Variants in PRKN observed in about 807,000 individuals in gnomAD.
PRKN encodes the protein parkin RBR E3 ubiquitin protein ligase.
A neutral mutation model predicts 59.5 loss-of-function variants in PRKN; 56 were observed. The ratio of observed to expected loss-of-function variants is 0.94; its 90% CI spans 0.76 to 1.18. PRKN has a LOEUF of 1.18. Ranked by LOEUF, PRKN falls within the 50% of genes most tolerant of loss-of-function variation. The pLI is 0.00. For missense variants in PRKN, 657 were observed against 596.4 expected (o/e 1.10, Z -1.06); for synonymous variants, 250 against 222.1 (o/e 1.13, Z -1.12).
In PRKN at chr6:162,158,339, ATCTT is replaced by A. The variant is rs531051903; in HGVS notation, c.534+42788_534+42791del. Among the ~76,000 whole-genome samples, 98 of 151,672 alleles carry A rather than the reference ATCTT, an allele frequency of 6.5e-4. 1 individual carries two copies. In the South Asian group the frequency reaches 9.4e-3, roughly 14 times the overall value. Reference sequence around the variant, plus strand: ...TGAATATTGAAAACATGCTGCCCAGATCTTTCTTTCTTCTTTGACAAAGGCTACT... The same window carrying A: ...TGAATATTGAAAACATGCTGCCCAGATCTTTCTTCTTTGACAAAGGCTACT... On this transcript the variant is annotated intron_variant, in intron 4 of 11. Coordinates refer to ENST00000366898, the MANE Select transcript of PRKN (RefSeq NM_004562.3).
At chr6:162,656,022 A>G (rs969651138) in intron 1 of PRKN, among the ~76,000 whole-genome samples, 20 of 152,170 alleles carry the variant, frequency 1.3e-4, no homozygotes, top group African/African-American at 4.6e-4. Flanking sequence ...AATTATATAA[A>G]TTATTCTTGA....
intron 2 of PRKN, among the ~76,000 whole-genome samples, chr6:162,379,467 C>G (rs1488428771): frequency 6.6e-6 from 1 of 152,030 alleles, no homozygotes; most frequent in Non-Finnish European, 1.5e-5. Context: ...CTTTCTCTAC[C>G]CCTCAAGACT....
chr6:162,376,710 G>A (rs1248681130), intron 2 of PRKN, among the ~76,000 whole-genome samples: 5 of 147,014 alleles, frequency 3.4e-5, no homozygotes, highest in African/African-American at 1.3e-4. Flanking sequence ...GGAGAGAGAG[G>A]GGGAAAGGGA....
chr6:161,685,558 T>C (rs986888603), intron 7 of PRKN, among the ~76,000 whole-genome samples: 3 of 152,182 alleles, frequency 2.0e-5, no homozygotes, highest in African/African-American at 4.8e-5. Context: ...TCTTTCTATA[T>C]AGTGCAAAAA....
chr6:161,940,085 G>A (rs181027463), intron 6 of PRKN, among the ~76,000 whole-genome samples: 3 of 152,014 alleles, frequency 2.0e-5, no homozygotes, highest in East Asian at 3.9e-4. Flanking sequence ...TAGTAGAGAC[G>A]GGGTTTCTCC....
chr6:161,769,091 T>C (rs1408676884), intron 7 of PRKN, among the ~76,000 whole-genome samples: 2 of 152,240 alleles, frequency 1.3e-5, no homozygotes, highest in African/African-American at 4.8e-5. Flanking sequence ...TGTTAATCCC[T>C]GATTCAAAGG....
intron 1 of PRKN, among the ~76,000 whole-genome samples, chr6:162,671,608 G>C (rs1779322459): frequency 2.0e-5 from 3 of 151,774 alleles, no homozygotes; most frequent in Non-Finnish European, 2.9e-5. Context: ...AAACATTTGT[G>C]CAGTAATCAA....
chr6:161,913,190 A>AG (rs1778431537), intron 6 of PRKN, among the ~76,000 whole-genome samples: 1 of 150,756 alleles, frequency 6.6e-6, no homozygotes, highest in Non-Finnish European at 1.5e-5. Context: ...AAAAAAAAAA[A>AG]GACATGGGAT....
At chr6:162,054,548 A>T (rs1291626650) in intron 4 of PRKN, among the ~76,000 whole-genome samples, 2 of 151,672 alleles carry the variant, frequency 1.3e-5, no homozygotes, top group Admixed American at 6.6e-5. Flanking sequence ...TACCATCCCC[A>T]CCCAACCCCA....
At chr6:162,607,417 T>C (rs1216579292) in intron 1 of PRKN, among the ~76,000 whole-genome samples, 1 of 152,066 alleles carries the variant, frequency 6.6e-6, no homozygotes, top group Non-Finnish European at 1.5e-5. Context: ...TTAGACAACA[T>C]ACTAATATTA....
At position 161,401,243 on chromosome 6, in the gene PRKN, C is replaced by G. The variant is rs1338915456; in HGVS notation, c.1084-14366G>C. ...ACTTTCATTTGTGATAGTTCAGTCACGTCCTGGGGAATTGAGGAGAAGATC... is the reference window on the plus strand; with the variant it reads ...ACTTTCATTTGTGATAGTTCAGTCAGGTCCTGGGGAATTGAGGAGAAGATC... On this transcript the variant is annotated intron_variant, in intron 9 of 11. Coordinates refer to ENST00000366898, the MANE Select transcript of PRKN (RefSeq NM_004562.3). This position sits in a 1 kb window ranked among gnomAD's most constrained non-coding sequence, Gnocchi z 4.4. Among the ~76,000 whole-genome samples, 1 of 152,114 alleles carries G rather than the reference C, an allele frequency of 6.6e-6. No homozygotes were observed. The highest frequency in any genetic ancestry group is 1.5e-5 in the Non-Finnish European group (1 of 68,032).
At chr6:161,693,090 T>C (rs1785868107) in intron 7 of PRKN, among the ~76,000 whole-genome samples, 1 of 151,194 alleles carries the variant, frequency 6.6e-6, no homozygotes, top group South Asian at 2.1e-4. Flanking sequence ...ATCATAAAAA[T>C]AGATGTCTTT....
intron 6 of PRKN, among the ~76,000 whole-genome samples, chr6:161,923,764 G>A (rs1336486196): frequency 6.6e-6 from 1 of 152,148 alleles, no homozygotes; most frequent in Non-Finnish European, 1.5e-5. Flanking sequence ...GGAGGACACT[G>A]TTAGGTAACT....
intron 7 of PRKN, among the ~76,000 whole-genome samples, chr6:161,777,996 A>G (rs531394706): frequency 6.6e-6 from 1 of 151,540 alleles, no homozygotes; most frequent in East Asian, 2.0e-4. Flanking sequence ...TTCAAATTCT[A>G]TTACATGATT....
intron 6 of PRKN, among the ~76,000 whole-genome samples, chr6:161,897,721 C>T (rs1278028045): frequency 1.3e-5 from 2 of 150,380 alleles, no homozygotes; most frequent in South Asian, 2.1e-4. Flanking sequence ...GTGGCTCACG[C>T]CTGTAATCCC....
chr6:161,669,637 A>G (rs1784840178), intron 7 of PRKN, among the ~76,000 whole-genome samples: 1 of 152,200 alleles, frequency 6.6e-6, no homozygotes, highest in Non-Finnish European at 1.5e-5. Flanking sequence ...ACGTCTCTTT[A>G]AAAATGGTTC....
At chr6:162,339,538 C>T (rs2128127635) in intron 2 of PRKN, among the ~76,000 whole-genome samples, 1 of 146,246 alleles carries the variant, frequency 6.8e-6, no homozygotes, top group East Asian at 2.1e-4. Context: ...CCCCGCCCGG[C>T]CAGCCGCCCC....
At chr6:161,680,426 C>A (rs976297213) in intron 7 of PRKN, among the ~76,000 whole-genome samples, 1 of 151,938 alleles carries the variant, frequency 6.6e-6, no homozygotes, top group Non-Finnish European at 1.5e-5. Flanking sequence ...TGTGAATGGC[C>A]GAGTTCTGAG....
rs1789263292 is a variant in PRKN at position 161,442,073 on chromosome 6, A to G, written c.1084-55196T>C. Among the ~76,000 whole-genome samples, 1 of 152,242 alleles carries G rather than the reference A, an allele frequency of 6.6e-6. No individual in the cohort carries two copies. The highest frequency in any genetic ancestry group is 6.5e-5 in the Admixed American group (1 of 15,288). On this transcript the variant is annotated intron_variant, in intron 9 of 11. Coordinates refer to ENST00000366898, the MANE Select transcript of PRKN (RefSeq NM_004562.3). This position sits in a 1 kb window ranked among gnomAD's most constrained non-coding sequence, Gnocchi z 4.6. ...TACTGTTCAGTGGGCTAATGCAGCCACACGAGTGAGTTTTATTTTCATCCC... is the reference window on the plus strand; with the variant it reads ...TACTGTTCAGTGGGCTAATGCAGCCGCACGAGTGAGTTTTATTTTCATCCC...
Sources: gnomAD v4.1 joint callset for allele counts (sites outside exome capture counted in the v4.1 genomes callset) on GRCh38, gnomAD v4.1.1 for gene constraint, Gnocchi (gnomAD v3.1) non-coding constraint, MANE v1.5 for transcripts, NCBI Gene and HGNC (gene_info 2026-07-23, HGNC 2026-07-21) for gene names.